The following APLF variants were observed in gnomAD, a reference collection of about 807,000 sequenced individuals.
APLF encodes the protein aprataxin and PNKP like factor, also known as aprataxin and PNK-like factor.
In APLF, 61 loss-of-function variants were observed where a neutral mutation model predicts 55.6. The observed-to-expected ratio is 1.10, with a 90% CI of 0.89 to 1.36. The LOEUF (loss-of-function observed/expected upper bound fraction) is 1.36. Among genes scored for constraint, APLF ranks in the 40% most tolerant of loss-of-function variants. APLF has a pLI of 0.00. For missense variants in APLF, 611 were observed against 602.5 expected, an observed-to-expected ratio of 1.01 and a Z score of -0.15; for synonymous variants, 207 against 214.8, an observed-to-expected ratio of 0.96 and a Z score of 0.32.
intron 9 of APLF, among the ~76,000 whole-genome samples, chr2:68,573,629 T>A (rs1671543231): frequency 6.8e-6 from 1 of 146,570 alleles, no homozygotes; most frequent in Non-Finnish European, 1.5e-5. Context: ...GCCGAGATTG[T>A]GCCATTGCAC....
At chr2:68,471,570 A>G (rs1249571096) in intron 1 of APLF, among the ~76,000 whole-genome samples, 2 of 152,206 alleles carry the variant, frequency 1.3e-5, no homozygotes, top group Non-Finnish European at 2.9e-5. Flanking sequence ...AAGAAAAACA[A>G]CACAGGGACA....
intron 3 of APLF, among the ~76,000 whole-genome samples, chr2:68,511,044 C>T (rs1168366802): frequency 6.6e-6 from 1 of 151,796 alleles, no homozygotes; most frequent in Admixed American, 6.6e-5. Flanking sequence ...ATTGCTAATG[C>T]ATATGGAATT....
At chr2:68,542,640 G>A (rs1558548354) in intron 7 of APLF, among the ~76,000 whole-genome samples, 1 of 152,004 alleles carries the variant, frequency 6.6e-6, no homozygotes, top group Non-Finnish European at 1.5e-5. Flanking sequence ...TTTCAAAAAC[G>A]AAATGAAAAA....
rs1009685981 is a variant in APLF at position 68,579,026 on chromosome 2, T to C, written c.*1004T>C. The C allele has an allele frequency of 6.2e-5, 61 of 985,106 alleles. No individual in the cohort carries two copies. The African/African-American group carries it at 1.0e-3, about 16-fold the overall frequency. 61.0% of individuals were successfully genotyped at this position (985,106 alleles called of 1,614,324 possible). A position where few individuals can be genotyped will look rare whatever the true frequency, so the allele number is the denominator to read the frequency against. ...TTAAAATGTAGTTTAGAATCTTTAA[T>C]AACAGTTGGGTTGTGTACACAGAGC... On this transcript the variant is annotated 3_prime_UTR_variant, in exon 10 of 10. Coordinates refer to ENST00000303795, the MANE Select transcript of APLF (RefSeq NM_173545.3).
In APLF at chr2:68,578,976, C is replaced by G. The variant is rs1380312284; in HGVS notation, c.*954C>G. On this transcript the variant is annotated 3_prime_UTR_variant, in exon 10 of 10. Coordinates refer to ENST00000303795, the MANE Select transcript of APLF (RefSeq NM_173545.3). ...AAACTACTTTAAGCCCTATAATGCTCTTCATATTACGTGACTTTGAATTGT... is the reference window on the plus strand; with the variant it reads ...AAACTACTTTAAGCCCTATAATGCTGTTCATATTACGTGACTTTGAATTGT... 1 of 984,460 alleles carries G rather than the reference C, an allele frequency of 1.0e-6. No individual in the cohort carries two copies. Among genetic ancestry groups the G allele is most frequent in the African/African-American group, 1.7e-5 (1 of 57,184 alleles). 61.0% of individuals were successfully genotyped at this position (984,460 alleles called of 1,614,324 possible). A position where few individuals can be genotyped will look rare whatever the true frequency, so the allele number is the denominator to read the frequency against.
At chr2:68,550,593 A>G (rs1016016196) in intron 8 of APLF, among the ~76,000 whole-genome samples, 10 of 151,836 alleles carry the variant, frequency 6.6e-5, no homozygotes, top group African/African-American at 1.9e-4. Flanking sequence ...TTTGTTTTCT[A>G]TTTATCCTAC....
At chr2:68,557,267 A>G in intron 8 of APLF, among the ~76,000 whole-genome samples, 1 of 152,144 alleles carries the variant, frequency 6.6e-6, no homozygotes, top group East Asian at 1.9e-4. Flanking sequence ...TGTAATTGTT[A>G]TTGTACTTTA....
At chr2:68,477,348 T>C (rs1675812030) in intron 1 of APLF, among the ~76,000 whole-genome samples, 1 of 152,230 alleles carries the variant, frequency 6.6e-6, no homozygotes, top group Non-Finnish European at 1.5e-5. Flanking sequence ...TAAAAACAGA[T>C]CTCAGCTGGG....
intron 3 of APLF, 123 bp downstream of exon 3, chr2:68,503,026 G>A: frequency 9.9e-7 from 1 of 1,013,202 alleles, no homozygotes; most frequent in African/African-American, 1.7e-5. Flanking sequence ...TGTGTAATGT[G>A]TGTGTACGCA....
At chr2:68,483,392 C>G (rs1420115489) in intron 1 of APLF, among the ~76,000 whole-genome samples, 1 of 152,196 alleles carries the variant, frequency 6.6e-6, no homozygotes, top group Non-Finnish European at 1.5e-5. Flanking sequence ...GGAGATGGGA[C>G]AGCAGAGGCA....
chr2:68,551,906 G>A (rs1670878217), intron 8 of APLF, among the ~76,000 whole-genome samples: 1 of 152,030 alleles, frequency 6.6e-6, no homozygotes, highest in South Asian at 2.1e-4. Flanking sequence ...TACTTGGCAG[G>A]TAGGGGCTAG....
chr2:68,559,792 A>G (rs1366631235), intron 8 of APLF, among the ~76,000 whole-genome samples: 3 of 152,134 alleles, frequency 2.0e-5, no homozygotes, highest in Non-Finnish European at 4.4e-5. Flanking sequence ...GTCCTCATGT[A>G]GTTCATTCTC....
At chr2:68,572,914 T>C (rs762389178) in intron 9 of APLF, among the ~76,000 whole-genome samples, 2 of 152,196 alleles carry the variant, frequency 1.3e-5, no homozygotes, top group Non-Finnish European at 2.9e-5. Context: ...TCTTCTGGCA[T>C]GTATGTCACA....
intron 6 of APLF, among the ~76,000 whole-genome samples, chr2:68,530,768 G>C (rs1325799715): frequency 6.6e-6 from 1 of 152,116 alleles, no homozygotes; most frequent in African/African-American, 2.4e-5. Flanking sequence ...ATACTCTTGG[G>C]TGTCTGGACT....
At chr2:68,563,237 C>T (rs962859338) in intron 8 of APLF, 1 of 985,108 alleles carries the variant, frequency 1.0e-6, no homozygotes, top group Non-Finnish European at 1.2e-6. Flanking sequence ...CTTTCCCCTT[C>T]TAAGGCAGAT....
At chr2:68,572,490 C>G (rs555697492) in intron 9 of APLF, among the ~76,000 whole-genome samples, 72 of 152,264 alleles carry the variant, frequency 4.7e-4, no homozygotes, top group African/African-American at 1.7e-3. Flanking sequence ...AGCTATTAAT[C>G]TGCTGTGAAG....
At chr2:68,573,428 T>C (rs1322138873) in intron 9 of APLF, among the ~76,000 whole-genome samples, 1 of 152,172 alleles carries the variant, frequency 6.6e-6, no homozygotes, top group Non-Finnish European at 1.5e-5. Context: ...ATCCTAGCAC[T>C]TTGGGGGGCC....
intron 8 of APLF, among the ~76,000 whole-genome samples, chr2:68,554,638 G>GTTT (rs773690422): frequency 1.4e-5 from 2 of 139,226 alleles, no homozygotes; most frequent in African/African-American, 5.2e-5. Context: ...ATATTCCTAA[G>GTTT]TTTTTTTTTT....
chr2:68,500,140 G>GTA (rs1262970877), intron 2 of APLF, among the ~76,000 whole-genome samples: 2 of 152,030 alleles, frequency 1.3e-5, no homozygotes, highest in African/African-American at 4.8e-5. Context: ...CTTCATGTAC[G>GTA]TATAGCATTT....
Sources: allele counts gnomAD v4.1 joint callset (sites outside exome capture counted in the v4.1 genomes callset), GRCh38; gene constraint gnomAD v4.1.1; transcripts MANE v1.5; gene names NCBI Gene and HGNC (gene_info 2026-07-23, HGNC 2026-07-21).